Variants in KCNE4 observed in about 807,000 individuals in gnomAD.
The protein encoded by KCNE4 is potassium voltage-gated channel subfamily E member 4.
Under a neutral mutation model 9.2 loss-of-function variants are expected in KCNE4, and 6 were observed. The ratio of observed to expected loss-of-function variants is 0.65; its 90% CI spans 0.36 to 1.29. The LOEUF is 1.29. Ranked by LOEUF, KCNE4 falls within the 50% of genes most tolerant of loss-of-function variation. The pLI is 0.03. For synonymous variants in KCNE4, 115 were observed against 103.2 expected, an observed-to-expected ratio of 1.11 and a Z score of -0.70; for missense variants, 222 against 228.8, an observed-to-expected ratio of 0.97 and a Z score of 0.19.
chr2:223,052,269 G>A lies in KCNE4; in HGVS notation c.-29G>A. ...ATTCAAAACTTGGGACAAACTGTCA[G>A]CCTTGGTAAGTCAGCAAGGCTACAC... On this transcript the variant is annotated 5_prime_UTR_variant, in exon 1 of 2. Coordinates refer to ENST00000281830, the MANE Select transcript of KCNE4 (RefSeq NM_080671.4). The A allele has an allele frequency of 8.1e-7, 1 of 1,236,082 alleles. No individual in the cohort carries two copies. Among genetic ancestry groups the A allele is most frequent in the Non-Finnish European group, 1.0e-6 (1 of 990,662 alleles). The allele number at this position is 1,236,082 out of a possible 1,614,324, so 76.6% of individuals were successfully genotyped here.
Position 223,053,340 on chromosome 2 carries a change from C to G in KCNE4, c.510C>G (p.Ser170=). The change falls in exon 2 of 2, where the codon TCC becomes TCG. Residue 170 remains serine (S), a synonymous_variant. Coordinates refer to ENST00000281830, the MANE Select transcript of KCNE4 (RefSeq NM_080671.4). This position sits in a 1 kb window ranked among gnomAD's most constrained non-coding sequence, Gnocchi z 4.1. ...CCTCGGAGAACATCCATCAGAATTC[C>G]TAGCACCCCCGGGACCCCTGCCGGT... The part of the protein sequence containing the change: ...EGSSENIHQN[S] 6.2e-7 allele frequency: 1 copy of G among 1,613,252 alleles called. No homozygotes were observed. The highest frequency in any genetic ancestry group is 1.7e-5 in the Admixed American group (1 of 59,986).
At position 223,054,489 on chromosome 2, in the gene KCNE4, C is replaced by T. The variant is rs1020652799; in HGVS notation, c.*1146C>T. ...GTGAGGAAGCTTGGACCAAATGCTT[C>T]CCCTTTGGCCGGTTAGTCTGAACAA... On this transcript the variant is annotated 3_prime_UTR_variant, in exon 2 of 2. Coordinates refer to ENST00000281830, the MANE Select transcript of KCNE4 (RefSeq NM_080671.4). 2 of 167,052 alleles carry T rather than the reference C, an allele frequency of 1.2e-5. No homozygotes were observed. The highest frequency in any genetic ancestry group is 2.9e-5 in the Non-Finnish European group (2 of 68,116). The allele number at this position is 167,052 out of a possible 1,614,324, so 10.3% of individuals were successfully genotyped here.
At chr2:223,052,515 AT>A (rs547897210) in intron 1 of KCNE4, among the ~76,000 whole-genome samples, 980 of 61,536 alleles carry the variant, frequency 0.016, 13 homozygotes, top group African/African-American at 0.051. Flanking sequence ...TCTTACATTG[AT>A]TTTTTTTTTA....
chr2:223,053,115 G>T lies in KCNE4; in HGVS notation c.285G>T (p.Ser95=). 6.2e-7 allele frequency: 1 copy of T among 1,613,572 alleles called. No homozygotes were observed. Among genetic ancestry groups the T allele is most frequent in the Non-Finnish European group, 8.5e-7 (1 of 1,179,792 alleles). The change falls in exon 2 of 2, where the codon TCG becomes TCT. Residue 95 remains serine, a synonymous_variant. Coordinates refer to ENST00000281830, the MANE Select transcript of KCNE4 (RefSeq NM_080671.4). This position sits in a 1 kb window ranked among gnomAD's most constrained non-coding sequence, Gnocchi z 4.1. The part of the protein sequence containing the change: ...KPLPVVSGLR[S]VQVPLMLNML... ...TGCCTGTGGTGTCGGGCCTGAGGTC[G>T]GTGCAGGTGCCCCTGATGCTGAACA...
rs151224140 is a variant in KCNE4, at chr2:223,054,241, G to A, written c.*898G>A. The A allele has an allele frequency of 6.0e-6, 1 of 167,186 alleles. No homozygotes were observed. The highest frequency in any genetic ancestry group is 1.5e-5 in the Non-Finnish European group (1 of 68,124). The allele number at this position is 167,186 out of a possible 1,614,324, so 10.4% of individuals were successfully genotyped here. ...ACATAATGTGGTATTTCGTCACGTA[G>A]CTGAGACCTAGAAGGGCATACTCAG... On this transcript the variant is annotated 3_prime_UTR_variant, in exon 2 of 2. Coordinates refer to ENST00000281830, the MANE Select transcript of KCNE4 (RefSeq NM_080671.4).
At chr2:223,052,510 C>A (rs1698707739) in intron 1 of KCNE4, among the ~76,000 whole-genome samples, 1 of 77,420 alleles carries the variant, frequency 1.3e-5, no homozygotes, top group African/African-American at 4.8e-5. Flanking sequence ...TCCTGTCTTA[C>A]ATTGATTTTT....
chr2:223,053,505 G>C lies in KCNE4; in HGVS notation c.*162G>C. On this transcript the variant is annotated 3_prime_UTR_variant, in exon 2 of 2. Transcript: ENST00000281830. The surrounding 1 kb of genome is among the most constrained non-coding windows in gnomAD (Gnocchi z 4.1). ...GTGGGGTGGGGGACTAGGCTCAGCCGGAACCAGCACCTCCAAGGAGTCCGG... is the reference window on the plus strand; with the variant it reads ...GTGGGGTGGGGGACTAGGCTCAGCCCGAACCAGCACCTCCAAGGAGTCCGG... 1 of 758,596 alleles carries C rather than the reference G, an allele frequency of 1.3e-6. No homozygotes were observed. Among genetic ancestry groups the C allele is most frequent in the Non-Finnish European group, 2.3e-6 (1 of 443,112 alleles). The allele number at this position is 758,596 out of a possible 1,614,324, so 47.0% of individuals were successfully genotyped here.
At position 223,053,225 on chromosome 2, in the gene KCNE4, C is replaced by A; in HGVS notation, c.395C>A (p.Pro132Gln). Residue 132 changes from proline (P) to glutamine (Q), a missense_variant, in exon 2 of 2, where the codon CCG becomes CAG. Physicochemically the swap from Pro to Gln is moderately conservative, Grantham distance 76. Coordinates refer to ENST00000281830, the MANE Select transcript of KCNE4 (RefSeq NM_080671.4). The surrounding 1 kb of genome is among the most constrained non-coding windows in gnomAD (Gnocchi z 4.1). The part of the protein sequence containing the change: ...GDSVSSESSS[P>Q]DVHLTIQEEG... ...AGCGTGAGCTCCGAGTCCTCCTCCC[C>A]GGACGTGCACCTCACCATTCAGGAG... The A allele has an allele frequency of 6.2e-7, 1 of 1,613,786 alleles. No individual in the cohort carries two copies. The highest frequency in any genetic ancestry group is 8.5e-7 in the Non-Finnish European group (1 of 1,179,928).
At position 223,054,767 on chromosome 2, in the gene KCNE4, C is replaced by G. The variant is rs1009151655; in HGVS notation, c.*1424C>G. ...CAAGTATTCCTGTGGTCAACAGTTTCGCAGATCCGTTAGGCCCTTAAAGAC... is the reference window on the plus strand; with the variant it reads ...CAAGTATTCCTGTGGTCAACAGTTTGGCAGATCCGTTAGGCCCTTAAAGAC... On this transcript the variant is annotated 3_prime_UTR_variant, in exon 2 of 2. Transcript: ENST00000281830. The G allele has an allele frequency of 1.2e-5, 2 of 166,740 alleles. No homozygotes were observed. The highest frequency in any genetic ancestry group is 6.5e-5 in the Admixed American group (1 of 15,286). The allele number at this position is 166,740 out of a possible 1,614,324, so 10.3% of individuals were successfully genotyped here.
At position 223,052,260 on chromosome 2, in the gene KCNE4, AAACT is replaced by A. The variant is rs1698705417; in HGVS notation, c.-37_-34del. 8.1e-7 allele frequency: 1 copy of A among 1,235,558 alleles called. No homozygotes were observed. The highest frequency in any genetic ancestry group is 4.1e-5 in the South Asian group (1 of 24,506). The allele number at this position is 1,235,558 out of a possible 1,614,324, so 76.5% of individuals were successfully genotyped here. A position where few individuals can be genotyped will look rare whatever the true frequency, so the allele number is the denominator to read the frequency against. On this transcript the variant is annotated 5_prime_UTR_variant, in exon 1 of 2. Coordinates refer to ENST00000281830, the MANE Select transcript of KCNE4 (RefSeq NM_080671.4). ...GATTTGGGAATTCAAAACTTGGGAC[AAACT>A]GTCAGCCTTGGTAAGTCAGCAAGGC...
At position 223,054,811 on chromosome 2, in the gene KCNE4, C is replaced by T. The variant is rs945323342; in HGVS notation, c.*1468C>T. 1 of 166,628 alleles carries T rather than the reference C, an allele frequency of 6.0e-6. No homozygotes were observed. The highest frequency in any genetic ancestry group is 2.4e-5 in the African/African-American group (1 of 41,452). The allele number at this position is 166,628 out of a possible 1,614,324, so 10.3% of individuals were successfully genotyped here. ...TAAAGACAAGGAGGAAGTAAAAGGT[C>T]AAATTTAAATCTATTTAAAAAAACT... On this transcript the variant is annotated 3_prime_UTR_variant, in exon 2 of 2. Transcript: ENST00000281830.
At position 223,053,380 on chromosome 2, in the gene KCNE4, G is replaced by A. The variant is rs1474121369; in HGVS notation, c.*37G>A. The A allele has an allele frequency of 1.3e-6, 2 of 1,582,896 alleles. No homozygotes were observed. Among genetic ancestry groups the A allele is most frequent in the South Asian group, 2.2e-5 (2 of 88,962 alleles). ...CCCCTGCCGGTGGCTCCATCAGCCA[G>A]CAACCTTAGAGAGAGGAAAGACAGT... On this transcript the variant is annotated 3_prime_UTR_variant, in exon 2 of 2. Transcript: ENST00000281830. This position sits in a 1 kb window ranked among gnomAD's most constrained non-coding sequence, Gnocchi z 4.1.
At position 223,052,910 on chromosome 2, in the gene KCNE4, G is replaced by C. The variant is rs974315017; in HGVS notation, c.80G>C (p.Gly27Ala). 3 of 1,613,902 alleles carry C rather than the reference G, an allele frequency of 1.9e-6. No homozygotes were observed. Among genetic ancestry groups the C allele is most frequent in the Non-Finnish European group, 2.5e-6 (3 of 1,179,970 alleles). Reference protein sequence around the residue: ...SSSPLESRAAGGGSGNGNEYF... With the variant: ...SSSPLESRAAAGGSGNGNEYF... Reference sequence around the variant, plus strand: ...AGCCCCCTGGAGTCCCGTGCGGCCGGCGGCGGCAGCGGCAATGGCAACGAG... The same window carrying C: ...AGCCCCCTGGAGTCCCGTGCGGCCGCCGGCGGCAGCGGCAATGGCAACGAG... The change falls in exon 2 of 2, where the codon GGC (glycine) becomes GCC (alanine). Residue 27 changes from glycine to alanine, a missense_variant. Transcript: ENST00000281830.
chr2:223,053,332 C>T lies in KCNE4; in HGVS notation c.502C>T (p.Gln168Ter). 6.2e-7 allele frequency: 1 copy of T among 1,613,700 alleles called. No individual in the cohort carries two copies. The highest frequency in any genetic ancestry group is 8.5e-7 in the Non-Finnish European group (1 of 1,179,908). Residue 168 changes from glutamine to a stop codon, truncating the protein, a stop_gained, in exon 2 of 2, where the codon CAG (glutamine) becomes TAG (stop). Coordinates refer to ENST00000281830, the MANE Select transcript of KCNE4 (RefSeq NM_080671.4). LOFTEE classifies it high-confidence loss of function. The surrounding 1 kb of genome is among the most constrained non-coding windows in gnomAD (Gnocchi z 4.1). ...CGAAGGGTCCTCGGAGAACATCCAT[C>T]AGAATTCCTAGCACCCCCGGGACCC... is the stretch of plus-strand genomic sequence containing the variant. ...SSEGSSENIH[Q>*]NS
rs1156343762 is a variant in KCNE4, at chr2:223,054,605, T to A, written c.*1262T>A. Reference sequence around the variant, plus strand: ...GCTACCAACCCAGCCCTGCTGTAGTTTTCCCAGGACTGAAGGAAAGAGGCA... The same window carrying A: ...GCTACCAACCCAGCCCTGCTGTAGTATTCCCAGGACTGAAGGAAAGAGGCA... On this transcript the variant is annotated 3_prime_UTR_variant, in exon 2 of 2. Transcript: ENST00000281830. 1 of 167,036 alleles carries A rather than the reference T, an allele frequency of 6.0e-6. No homozygotes were observed. Among genetic ancestry groups the A allele is most frequent in the African/African-American group, 2.4e-5 (1 of 41,436 alleles). 10.3% of individuals were successfully genotyped at this position (167,036 alleles called of 1,614,324 possible).
At position 223,055,630 on chromosome 2, in the gene KCNE4, G is replaced by C. The variant is rs1698755916; in HGVS notation, c.*2287G>C. ...AAACACATTTTTTCCCTCCTGGGAA[G>C]TCATGAATTCTTTGTTTGATTTTTC... On this transcript the variant is annotated 3_prime_UTR_variant, in exon 2 of 2. Coordinates refer to ENST00000281830, the MANE Select transcript of KCNE4 (RefSeq NM_080671.4). 6.2e-6 allele frequency: 1 copy of C among 160,446 alleles called. No individual in the cohort carries two copies. The highest frequency in any genetic ancestry group is 1.5e-5 in the Non-Finnish European group (1 of 68,088). The allele number at this position is 160,446 out of a possible 1,614,324, so 9.9% of individuals were successfully genotyped here.
In KCNE4 at chr2:223,053,407, T is replaced by C. The variant is rs1449172454; in HGVS notation, c.*64T>C. ...AACCTTAGAGAGAGGAAAGACAGTT[T>C]TCAAGTGTCTGGTTTCACTTTCACA... On this transcript the variant is annotated 3_prime_UTR_variant, in exon 2 of 2. Transcript: ENST00000281830. This position sits in a 1 kb window ranked among gnomAD's most constrained non-coding sequence, Gnocchi z 4.1. 1 of 1,473,074 alleles carries C rather than the reference T, an allele frequency of 6.8e-7. No homozygotes were observed. Among genetic ancestry groups the C allele is most frequent in the Non-Finnish European group, 9.4e-7 (1 of 1,069,184 alleles). 91.3% of individuals were successfully genotyped at this position (1,473,074 alleles called of 1,614,324 possible).
In KCNE4 at chr2:223,053,654, T is replaced by C. The variant is rs1316275791; in HGVS notation, c.*311T>C. On this transcript the variant is annotated 3_prime_UTR_variant, in exon 2 of 2. Transcript: ENST00000281830. This position sits in a 1 kb window ranked among gnomAD's most constrained non-coding sequence, Gnocchi z 4.1. ...TTGGCGGGATGATATGTTTGCCATT[T>C]TCTCACTGGATGCCCTGGGTAGCTC... The C allele has an allele frequency of 4.9e-6, 2 of 408,620 alleles. No individual in the cohort carries two copies. The highest frequency in any genetic ancestry group is 9.6e-6 in the Non-Finnish European group (2 of 209,234). The allele number at this position is 408,620 out of a possible 1,614,324, so 25.3% of individuals were successfully genotyped here.
chr2:223,052,726 G>C, intron 1 of KCNE4, 82 bp from the exon 2 acceptor site: 1 of 1,468,062 alleles, frequency 6.8e-7, no homozygotes, highest in South Asian at 1.2e-5. Flanking sequence ...TTTTGGTATT[G>C]CAGTTCCACA....
Sources: allele counts gnomAD v4.1 joint callset (sites outside exome capture counted in the v4.1 genomes callset), GRCh38; gene constraint gnomAD v4.1.1; non-coding constraint Gnocchi (gnomAD v3.1); transcripts MANE v1.5; gene names NCBI Gene and HGNC (gene_info 2026-07-23, HGNC 2026-07-21).